NADK2: variants seen among roughly 807,000 people sequenced by gnomAD.
NADK2 encodes NAD kinase 2, mitochondrial.
NADK2 carries 35 observed loss-of-function variants against 62.1 expected under a neutral mutation model. The ratio of observed to expected loss-of-function variants is 0.56; its 90% CI spans 0.43 to 0.75. NADK2 has a LOEUF of 0.75. Among genes scored for constraint, NADK2 ranks in the 30% least tolerant of loss-of-function variants. NADK2 has a pLI of 0.00. For synonymous variants in NADK2, 205 were observed against 207.9 expected, an observed-to-expected ratio of 0.99 and a Z score of 0.12; for missense variants, 439 against 561.3, an observed-to-expected ratio of 0.78 and a Z score of 2.20.
At chr5:36,204,475 T>C (rs1746562316) in intron 8 of NADK2, among the ~76,000 whole-genome samples, 1 of 152,116 alleles carries the variant, frequency 6.6e-6, no homozygotes, top group African/African-American at 2.4e-5. Flanking sequence ...ATTTCTAATT[T>C]CACTCTAGTT....
rs184394240 is a variant in NADK2, at chr5:36,198,089, T to C, written c.1067-425A>G. ...ATGATAATAAGCAAACAGCTTGATATAAAATGCAGTCTCAAACAATGACAG... is the reference window on the plus strand; with the variant it reads ...ATGATAATAAGCAAACAGCTTGATACAAAATGCAGTCTCAAACAATGACAG... On this transcript the variant is annotated intron_variant, in intron 10 of 11. Transcript: ENST00000381937. Among the ~76,000 whole-genome samples, 394 of 151,852 alleles carry C rather than the reference T, an allele frequency of 2.6e-3. 2 individuals carry two copies. The highest frequency in any genetic ancestry group is 9.1e-3 in the African/African-American group (380 of 41,548).
At chr5:36,213,702 T>C (rs1007832266) in intron 6 of NADK2, among the ~76,000 whole-genome samples, 3 of 149,352 alleles carry the variant, frequency 2.0e-5, no homozygotes, top group African/African-American at 7.3e-5. Context: ...TCTTAGGTAC[T>C]ACATATATTC....
intron 1 of NADK2, among the ~76,000 whole-genome samples, chr5:36,229,154 C>T (rs755896659): frequency 3.3e-5 from 5 of 151,774 alleles, no homozygotes; most frequent in African/African-American, 4.8e-5. Context: ...CTTTTGCCTA[C>T]GAATACTGGG....
Position 36,241,849 on chromosome 5 carries a change from T to C in NADK2, c.-51A>G. ...TTGGGCTCGGGCCCCTTGCCTCAGC[T>C]CCCTACCGCCGGGAGTGCGCGCCGT... On this transcript the variant is annotated 5_prime_UTR_variant, in exon 1 of 12. Coordinates refer to ENST00000381937, the MANE Select transcript of NADK2 (RefSeq NM_001085411.3). This position sits in a 1 kb window ranked among gnomAD's most constrained non-coding sequence, Gnocchi z 4.9. 2 of 1,228,544 alleles carry C rather than the reference T, an allele frequency of 1.6e-6. No homozygotes were observed. The highest frequency in any genetic ancestry group is 1.0e-6 in the Non-Finnish European group (1 of 983,620). The allele number at this position is 1,228,544 out of a possible 1,614,324, so 76.1% of individuals were successfully genotyped here.
At chr5:36,240,966 C>T (rs2112220016) in intron 1 of NADK2, among the ~76,000 whole-genome samples, 1 of 152,308 alleles carries the variant, frequency 6.6e-6, no homozygotes, top group South Asian at 2.1e-4. Flanking sequence ...TCCGGAGTGC[C>T]CTAGGCCTCG....
Position 36,241,468 on chromosome 5 carries a change from G to T in NADK2, c.300+31C>A. ...CGCCACCAGAGCCCCGGCCGAGCCC[G>T]GGAGCGAAGCGGGGCCGAGCCAGGA... is the stretch of plus-strand genomic sequence containing the variant. On this transcript the variant is annotated intron_variant, in intron 1 of 11. Transcript: ENST00000381937. The surrounding 1 kb of genome is among the most constrained non-coding windows in gnomAD (Gnocchi z 4.9). 6.6e-7 allele frequency: 1 copy of T among 1,505,360 alleles called. No individual in the cohort carries two copies. Among genetic ancestry groups the T allele is most frequent in the Non-Finnish European group, 8.8e-7 (1 of 1,133,076 alleles). The allele number at this position is 1,505,360 out of a possible 1,614,324, so 93.3% of individuals were successfully genotyped here.
intron 1 of NADK2, among the ~76,000 whole-genome samples, chr5:36,239,418 A>G (rs1460551358): frequency 6.6e-6 from 1 of 152,202 alleles, no homozygotes; most frequent in Non-Finnish European, 1.5e-5. Context: ...AACTGTAATG[A>G]CAACACCACC....
chr5:36,213,568 A>G (rs532220987), intron 6 of NADK2, among the ~76,000 whole-genome samples: 10 of 140,830 alleles, frequency 7.1e-5, no homozygotes, highest in Non-Finnish European at 1.6e-4. Context: ...TTATCAGCTC[A>G]ACTTCATAAT....
intron 1 of NADK2, among the ~76,000 whole-genome samples, chr5:36,232,672 G>A (rs763606264): frequency 6.6e-6 from 1 of 151,900 alleles, no homozygotes; most frequent in African/African-American, 2.4e-5. Context: ...TTTCCCCAAC[G>A]TTCTCTATTT....
intron 7 of NADK2, among the ~76,000 whole-genome samples, chr5:36,211,214 C>T (rs980044460): frequency 6.6e-6 from 1 of 152,076 alleles, no homozygotes; most frequent in East Asian, 1.9e-4. Context: ...GAAATCTTCA[C>T]AATTTATGTT....
intron 7 of NADK2, among the ~76,000 whole-genome samples, chr5:36,210,251 T>C (rs145640990): frequency 3.9e-5 from 6 of 152,310 alleles, no homozygotes; most frequent in East Asian, 1.9e-4. Flanking sequence ...GAGTTAACTT[T>C]ATATCACAGT....
intron 11 of NADK2, among the ~76,000 whole-genome samples, chr5:36,197,262 C>T (rs1010140791): frequency 1.3e-4 from 20 of 151,926 alleles, no homozygotes; most frequent in East Asian, 1.9e-4. Context: ...ATTGTGTCTT[C>T]GTTCATTTTT....
intron 1 of NADK2, among the ~76,000 whole-genome samples, chr5:36,229,528 C>T (rs1364007852): frequency 6.6e-6 from 1 of 151,672 alleles, no homozygotes; most frequent in Non-Finnish European, 1.5e-5. Context: ...TTCAGATTAC[C>T]ACTATCATTA....
Position 36,217,645 on chromosome 5 carries a change from A to T in NADK2, c.781+103T>A. On this transcript the variant is annotated intron_variant, in intron 6 of 11. Transcript: ENST00000381937. ...TCACTGTACTTTGTTAAGTGCTATT[A>T]ATGACACTAAAAACAAGTAAATTAT... is the stretch of plus-strand genomic sequence containing the variant. The T allele has an allele frequency of 2.4e-6, 3 of 1,234,936 alleles. 1 individual carries two copies. The highest frequency in any genetic ancestry group is 2.6e-5 in the South Asian group (2 of 75,712). The allele number at this position is 1,234,936 out of a possible 1,614,324, so 76.5% of individuals were successfully genotyped here.
rs80036557 is a variant in NADK2, at chr5:36,204,939, G to T, written c.956+2231C>A. On this transcript the variant is annotated intron_variant, in intron 8 of 11. Coordinates refer to ENST00000381937, the MANE Select transcript of NADK2 (RefSeq NM_001085411.3). ...CACTCTTATACATATTAAAAATTTTGCATAATAAAATAGTTTAAGAAGTCA... is the reference window on the plus strand; with the variant it reads ...CACTCTTATACATATTAAAAATTTTTCATAATAAAATAGTTTAAGAAGTCA... Among the ~76,000 whole-genome samples, 1,844 of 151,924 alleles carry T rather than the reference G, an allele frequency of 0.012. 154 individuals carry two copies. The East Asian group carries it at 0.21, about 18-fold the overall frequency.
intron 3 of NADK2, 96 bp from the exon 4 acceptor site, chr5:36,225,719 C>G: frequency 9.9e-7 from 1 of 1,005,862 alleles, no homozygotes; most frequent in Non-Finnish European, 1.5e-6. Flanking sequence ...AACAATCATA[C>G]CCCACCCTGC....
At chr5:36,226,597 C>T (rs992906200) in intron 2 of NADK2, 34 bp from the exon 3 acceptor site, 17 of 1,429,052 alleles carry the variant, frequency 1.2e-5, no homozygotes, top group Non-Finnish European at 1.7e-5. Context: ...TATGAAATTT[C>T]CACTAATAAT....
At chr5:36,213,759 A>T (rs965805825) in intron 6 of NADK2, among the ~76,000 whole-genome samples, 1 of 151,834 alleles carries the variant, frequency 6.6e-6, no homozygotes, top group Admixed American at 6.6e-5. Context: ...GCTAAAATTT[A>T]TTGTTTAAAT....
intron 3 of NADK2, among the ~76,000 whole-genome samples, chr5:36,226,120 G>GTA (rs1177529277): frequency 6.6e-6 from 1 of 152,096 alleles, no homozygotes; most frequent in African/African-American, 2.4e-5. Flanking sequence ...GTAAGTACAA[G>GTA]TATATTGGGA....
Sources: allele counts gnomAD v4.1 joint callset (sites outside exome capture counted in the v4.1 genomes callset), GRCh38; gene constraint gnomAD v4.1.1; non-coding constraint Gnocchi (gnomAD v3.1); transcripts MANE v1.5; gene names NCBI Gene and HGNC (gene_info 2026-07-23, HGNC 2026-07-21).